CAMKMT: variants seen among roughly 807,000 people sequenced by gnomAD.
The protein encoded by CAMKMT is calmodulin-lysine N-methyltransferase.
Under a neutral mutation model 48.0 loss-of-function variants are expected in CAMKMT, and 53 were observed. The ratio of observed to expected loss-of-function variants is 1.10; its 90% CI spans 0.89 to 1.39. The LOEUF is 1.39. Ranked by LOEUF, CAMKMT falls within the 40% of genes most tolerant of loss-of-function variation. CAMKMT has a pLI of 0.00. For synonymous variants in CAMKMT, 165 were observed against 152.3 expected (o/e 1.08, Z -0.61); for missense variants, 428 against 402.7 (o/e 1.06, Z -0.54).
intron 3 of CAMKMT, among the ~76,000 whole-genome samples, chr2:44,559,835 G>T (rs1183699693): frequency 1.3e-5 from 2 of 152,136 alleles, no homozygotes; most frequent in East Asian, 1.9e-4. Context: ...ACTAGGTCTT[G>T]TCCAATTTGT....
chr2:44,684,869 C>G (rs1676245860), intron 3 of CAMKMT, among the ~76,000 whole-genome samples: 1 of 152,124 alleles, frequency 6.6e-6, no homozygotes, highest in South Asian at 2.1e-4. Flanking sequence ...CAATTAGAAA[C>G]TTACCCACAC....
chr2:44,499,442 T>A (rs1669906537), intron 3 of CAMKMT, among the ~76,000 whole-genome samples: 1 of 152,216 alleles, frequency 6.6e-6, no homozygotes, highest in South Asian at 2.1e-4. Flanking sequence ...TCTAGTGTAT[T>A]CATATCATAC....
chr2:44,449,827 G>T (rs1443818709), intron 3 of CAMKMT, among the ~76,000 whole-genome samples: 1 of 152,112 alleles, frequency 6.6e-6, no homozygotes, highest in Non-Finnish European at 1.5e-5. Context: ...TGGGGAGGGG[G>T]TTAGTACTAG....
In CAMKMT at chr2:44,768,885, C is replaced by T. The variant is rs1243232048; in HGVS notation, c.894+2324C>T. 3.3e-5 allele frequency among the ~76,000 whole-genome samples: 5 copies of T among 152,296 alleles called. No homozygotes were observed. In the East Asian group the frequency reaches 9.6e-4, roughly 29 times the overall value. ...CAGGCTGCGTGTTATCCTCTTAGCC[C>T]TACTGTGTTGGAATAGAGCGTAACC... On this transcript the variant is annotated intron_variant, in intron 10 of 10. Transcript: ENST00000378494.
chr2:44,605,368 T>A (rs1337863734), intron 3 of CAMKMT, among the ~76,000 whole-genome samples: 2 of 152,120 alleles, frequency 1.3e-5, no homozygotes, highest in Non-Finnish European at 2.9e-5. Context: ...TGAACATACT[T>A]GGTGGTGGCA....
chr2:44,735,541 A>G (rs1679308103), intron 7 of CAMKMT, among the ~76,000 whole-genome samples: 1 of 151,802 alleles, frequency 6.6e-6, no homozygotes, highest in Admixed American at 6.6e-5. Context: ...GTTGCTTTAG[A>G]TTTTATAGTA....
chr2:44,488,318 T>C (rs1429217100), intron 3 of CAMKMT, among the ~76,000 whole-genome samples: 1 of 152,034 alleles, frequency 6.6e-6, no homozygotes, highest in Non-Finnish European at 1.5e-5. Context: ...CTGACCAACA[T>C]GGTGAAACCC....
In CAMKMT at chr2:44,743,645, C is replaced by T; in HGVS notation, c.647C>T (p.Thr216Ile). The change falls in exon 8 of 11, where the codon ACA becomes ATA. Residue 216 changes from threonine to isoleucine, a missense_variant. Physicochemically the swap from Thr to Ile is moderately conservative, Grantham distance 89. Transcript: ENST00000378494. The stretch of plus-strand genomic sequence containing the variant: ...AGCGTTTTACGATGGGATAATGAGA[C>T]AGATGTCTCTCAACTGGAAGGACAT... ...SSCVLRWDNE[T>I]DVSQLEGHFD... 6.2e-7 allele frequency: 1 copy of T among 1,613,124 alleles called. No homozygotes were observed.
intron 3 of CAMKMT, among the ~76,000 whole-genome samples, chr2:44,562,054 A>C (rs1054060135): frequency 6.6e-6 from 1 of 152,188 alleles, no homozygotes; most frequent in African/African-American, 2.4e-5. Context: ...GTGAAATGAA[A>C]ATAGAAGATC....
chr2:44,685,018 T>C (rs1676258154), intron 3 of CAMKMT, among the ~76,000 whole-genome samples: 1 of 151,996 alleles, frequency 6.6e-6, no homozygotes, highest in Admixed American at 6.5e-5. Flanking sequence ...GAACAATTCG[T>C]TGCTATTCTC....
At chr2:44,418,953 C>T (rs151173334) in intron 3 of CAMKMT, among the ~76,000 whole-genome samples, 18 of 151,918 alleles carry the variant, frequency 1.2e-4, no homozygotes, top group African/African-American at 4.3e-4. Flanking sequence ...ACAGGTCTTG[C>T]CTATATTTTG....
chr2:44,601,644 A>G (rs4952717), intron 3 of CAMKMT, among the ~76,000 whole-genome samples: 61,407 of 151,764 alleles, frequency 0.4, 14,544 homozygotes, highest in Middle Eastern at 0.55. Context: ...AATTCCATAT[A>G]GGTAAATAAA....
chr2:44,595,821 C>T (rs1464505140), intron 3 of CAMKMT, among the ~76,000 whole-genome samples: 1 of 152,126 alleles, frequency 6.6e-6, no homozygotes, highest in East Asian at 1.9e-4. Flanking sequence ...AGGATGAATT[C>T]ATGTCCTTTG....
Position 44,362,058 on chromosome 2 carries a change from G to T in CAMKMT, c.51G>T (p.Ala17=), listed in dbSNP as rs770767281. ...GGACCGGCGAGACCGCGCGAGCAGC[G>T]GGCGGGAGTCCGGCAGTTGGCTGCA... The part of the protein sequence containing the change: ...DAGTGETARA[A]GGSPAVGCTT... The change falls in exon 1 of 11, where the codon GCG becomes GCT. Residue 17 remains alanine, a synonymous_variant. Transcript: ENST00000378494. 1.2e-5 allele frequency: 17 copies of T among 1,440,470 alleles called. 1 individual carries two copies. In the South Asian group the frequency reaches 2.4e-4, roughly 21 times the overall value. 89.2% of individuals were successfully genotyped at this position (1,440,470 alleles called of 1,614,324 possible). A position where few individuals can be genotyped will look rare whatever the true frequency, so the allele number is the denominator to read the frequency against.
At chr2:44,651,823 A>G (rs1339191427) in intron 3 of CAMKMT, among the ~76,000 whole-genome samples, 1 of 152,200 alleles carries the variant, frequency 6.6e-6, no homozygotes, top group Non-Finnish European at 1.5e-5. Context: ...TACTTTTTGC[A>G]TGTTAATGAA....
At chr2:44,431,177 T>C (rs1684628861) in intron 3 of CAMKMT, among the ~76,000 whole-genome samples, 1 of 152,194 alleles carries the variant, frequency 6.6e-6, no homozygotes, top group Non-Finnish European at 1.5e-5. Flanking sequence ...TATATATTTT[T>C]TCTACCTGAA....
At chr2:44,721,173 A>G (rs1473512724) in intron 7 of CAMKMT, among the ~76,000 whole-genome samples, 1 of 152,130 alleles carries the variant, frequency 6.6e-6, no homozygotes, top group African/African-American at 2.4e-5. Context: ...AAAAATATCC[A>G]CCATGATTAT....
intron 3 of CAMKMT, among the ~76,000 whole-genome samples, chr2:44,558,913 C>T (rs1370827869): frequency 1.3e-5 from 2 of 151,978 alleles, no homozygotes; most frequent in Admixed American, 6.6e-5. Context: ...AACTTGAATA[C>T]ATACCCCCTG....
At chr2:44,570,444 T>C (rs1478953765) in intron 3 of CAMKMT, among the ~76,000 whole-genome samples, 1 of 152,212 alleles carries the variant, frequency 6.6e-6, no homozygotes, top group Non-Finnish European at 1.5e-5. Flanking sequence ...AGATTTATCA[T>C]CTTCTTTCAA....
Sources: gnomAD v4.1 joint callset for allele counts (sites outside exome capture counted in the v4.1 genomes callset) on GRCh38, gnomAD v4.1.1 for gene constraint, MANE v1.5 for transcripts, NCBI Gene and HGNC (gene_info 2026-07-23, HGNC 2026-07-21) for gene names.